The following CUBN variants were observed in gnomAD, a reference collection of about 807,000 sequenced individuals.
CUBN encodes the protein 460 kDa receptor.
In CUBN, 282 loss-of-function variants were observed where a neutral mutation model predicts 405.3. The observed-to-expected ratio is 0.70, with a 90% confidence interval of 0.63 to 0.77. CUBN has a LOEUF of 0.77. CUBN is among the 30% of genes least tolerant of loss of function. CUBN has a pLI of 0.00. For synonymous variants in CUBN, 1,684 were observed against 1,617.0 expected, an observed-to-expected ratio of 1.04 and a Z score of -0.99; for missense variants, 4,514 against 4,475.2, an observed-to-expected ratio of 1.01 and a Z score of -0.25.
intron 58 of CUBN, among the ~76,000 whole-genome samples, chr10:16,870,705 C>T (rs1317826299): frequency 6.6e-6 from 1 of 152,216 alleles, no homozygotes; most frequent in Non-Finnish European, 1.5e-5. Flanking sequence ...GCAGAGCTTC[C>T]ATGCCAGGCC....
At chr10:16,886,027 A>T (rs541437821) in intron 56 of CUBN, among the ~76,000 whole-genome samples, 14 of 152,320 alleles carry the variant, frequency 9.2e-5, no homozygotes, top group African/African-American at 3.1e-4. Context: ...GGATCATCTT[A>T]TACAAACTAT....
intron 31 of CUBN, among the ~76,000 whole-genome samples, chr10:16,981,279 G>A (rs1833265134): frequency 6.6e-6 from 1 of 152,082 alleles, no homozygotes; most frequent in South Asian, 2.1e-4. Context: ...GAGGAGTTCA[G>A]CCAAGGAAGG....
intron 48 of CUBN, among the ~76,000 whole-genome samples, chr10:16,908,538 T>A (rs1361266960): frequency 6.6e-6 from 1 of 152,242 alleles, no homozygotes; most frequent in Non-Finnish European, 1.5e-5. Flanking sequence ...AGTTATGGAT[T>A]CAAAGCTTCA....
At chr10:16,864,662 T>TC (rs1017270845) in intron 59 of CUBN, among the ~76,000 whole-genome samples, 3 of 141,396 alleles carry the variant, frequency 2.1e-5, no homozygotes, top group African/African-American at 9.3e-5. Context: ...TCTTTCTTTT[T>TC]TTTTTTTTTT....
At chr10:17,034,449 A>G (rs1349142131) in intron 27 of CUBN, among the ~76,000 whole-genome samples, 3 of 152,208 alleles carry the variant, frequency 2.0e-5, no homozygotes, top group Admixed American at 1.3e-4. Context: ...GATGCCTATT[A>G]AGATACTTTT....
chr10:17,013,186 C>T (rs1448349542), intron 28 of CUBN, among the ~76,000 whole-genome samples: 1 of 152,036 alleles, frequency 6.6e-6, no homozygotes, highest in Non-Finnish European at 1.5e-5. Context: ...CTCTTTGACT[C>T]CTTTGTCTCT....
chr10:17,018,402 G>A (rs1354370357), intron 28 of CUBN, among the ~76,000 whole-genome samples: 2 of 152,258 alleles, frequency 1.3e-5, no homozygotes, highest in Middle Eastern at 3.4e-3. Flanking sequence ...TAAAGATGGT[G>A]TGTCCGGATT....
chr10:16,878,864 A>C (rs1267557199), intron 56 of CUBN, among the ~76,000 whole-genome samples: 1 of 152,218 alleles, frequency 6.6e-6, no homozygotes, highest in East Asian at 1.9e-4. Flanking sequence ...AATGTTTTTG[A>C]GTCCATCCAT....
At chr10:16,825,210 T>A in intron 66 of CUBN, 128 bp from the exon 67 acceptor site, 2 of 660,320 alleles carry the variant, frequency 3.0e-6, no homozygotes, top group South Asian at 3.2e-5. Context: ...CCTGCATATA[T>A]TTCTTGAAGT....
Position 16,916,009 on chromosome 10 carries a change from G to A in CUBN, c.7022C>T (p.Pro2341Leu), listed in dbSNP as rs1211888107. Residue 2341 changes from proline to leucine, a missense_variant, in exon 46 of 67, where the codon CCA (proline) becomes CTA (leucine). Pro to Leu is a moderately conservative substitution (Grantham distance 98, BLOSUM62 -3). Coordinates refer to ENST00000377833, the MANE Select transcript of CUBN (RefSeq NM_001081.4). Reference protein sequence around the residue: ...YSIAQCGGRVPGQSGVVESIG... With the variant: ...YSIAQCGGRVLGQSGVVESIG... Reference sequence around the variant, plus strand: ...GCTTTCAACAACACCACTTTGCCCTGGTACTCTTCCCCCACACTGAGCTGC... The same window carrying A: ...GCTTTCAACAACACCACTTTGCCCTAGTACTCTTCCCCCACACTGAGCTGC... 1 of 1,613,542 alleles carries A rather than the reference G, an allele frequency of 6.2e-7. No homozygotes were observed. Among genetic ancestry groups the A allele is most frequent in the Non-Finnish European group, 8.5e-7 (1 of 1,179,874 alleles).
chr10:17,005,285 G>T (rs999847290), intron 28 of CUBN, among the ~76,000 whole-genome samples: 10 of 152,194 alleles, frequency 6.6e-5, no homozygotes, highest in South Asian at 2.1e-4. Flanking sequence ...TAAGGAGATT[G>T]TTCGGACATT....
chr10:16,918,918 C>T, intron 44 of CUBN, 118 bp from the exon 45 acceptor site: 2 of 983,262 alleles, frequency 2.0e-6, no homozygotes, highest in Non-Finnish European at 3.1e-6. Flanking sequence ...GCATAAAAAA[C>T]TATGATAGAA....
intron 54 of CUBN, among the ~76,000 whole-genome samples, chr10:16,893,495 G>A (rs938531004): frequency 2.6e-5 from 4 of 152,064 alleles, no homozygotes; most frequent in Middle Eastern, 3.4e-3. Flanking sequence ...GAATCCCTAA[G>A]TTGCTTTTGT....
chr10:16,945,873 A>G (rs10904846), intron 36 of CUBN, among the ~76,000 whole-genome samples: 34,443 of 151,944 alleles, frequency 0.23, 6,788 homozygotes, highest in African/African-American at 0.53. Context: ...GTTTTAACAC[A>G]AGGCCACTTA....
intron 56 of CUBN, among the ~76,000 whole-genome samples, chr10:16,883,313 T>C (rs1352550325): frequency 6.6e-6 from 1 of 152,058 alleles, no homozygotes; most frequent in Non-Finnish European, 1.5e-5. Context: ...CAAATTGGAG[T>C]GTAACACAGG....
chr10:16,934,028 G>A (rs1482470685), intron 39 of CUBN, among the ~76,000 whole-genome samples: 1 of 152,134 alleles, frequency 6.6e-6, no homozygotes, highest in African/African-American at 2.4e-5. Flanking sequence ...TGGAATAATG[G>A]CAATGCTGAG....
chr10:16,947,364 C>T lies in CUBN; in HGVS notation c.5213G>A (p.Cys1738Tyr), dbSNP rs1237176418. The T allele has an allele frequency of 5.0e-6, 8 of 1,613,926 alleles. No homozygotes were observed. Among genetic ancestry groups the T allele is most frequent in the Non-Finnish European group, 6.8e-6 (8 of 1,179,988 alleles). Residue 1738 changes from cysteine to tyrosine, a missense_variant, in exon 36 of 67, where the codon TGT (cysteine) becomes TAT (tyrosine). Cys to Tyr is a radical substitution (Grantham distance 194). Around this residue, in one of 5 missense-constraint regions of CUBN, gnomAD observed 1,613 missense variants for 1,542.8 expected, o/e 1.05. Transcript: ENST00000377833. ...TTCAGCCATGTAGAACGTTCCACCA[C>T]AAGCTGGAAGAAAATAGAAATAAAG... ...HTTVTASVSA[C>Y]GGTFYMAEGI...
intron 22 of CUBN, among the ~76,000 whole-genome samples, chr10:17,049,756 C>T (rs964942021): frequency 3.3e-5 from 5 of 152,204 alleles, no homozygotes; most frequent in Admixed American, 2.0e-4. Context: ...CACAGTTTAA[C>T]ATATACACTC....
At chr10:16,908,122 A>G (rs1485070167) in intron 48 of CUBN, among the ~76,000 whole-genome samples, 1 of 152,020 alleles carries the variant, frequency 6.6e-6, no homozygotes, top group Non-Finnish European at 1.5e-5. Flanking sequence ...TAAAGCAGAT[A>G]TTTTTCTTTA....
Sources: gnomAD v4.1 joint callset for allele counts (sites outside exome capture counted in the v4.1 genomes callset) on GRCh38, gnomAD v4.1.1 for gene constraint, gnomAD v4.1.1 regional missense constraint, MANE v1.5 for transcripts, NCBI Gene and HGNC (gene_info 2026-07-23, HGNC 2026-07-21) for gene names.